Variants in WDFY2 observed in about 807,000 individuals in gnomAD.
WDFY2 encodes the protein WD repeat and FYVE domain-containing protein 2.
Under a neutral mutation model 56.4 loss-of-function variants are expected in WDFY2, and 36 were observed. The observed-to-expected ratio is 0.64, with a 90% CI of 0.49 to 0.84. The LOEUF (loss-of-function observed/expected upper bound fraction) is 0.84, where lower values mean the gene tolerates loss of function less well. WDFY2 is among the 40% of genes least tolerant of loss of function. The probability of loss-of-function intolerance (pLI) is 0.00; values close to 1 mark genes in which losing one functional copy is unlikely to be tolerated. For missense variants in WDFY2, 444 were observed against 512.2 expected (o/e 0.87, Z 1.29); for synonymous variants, 176 against 183.7 (o/e 0.96, Z 0.34).
At chr13:51,718,889 C>A (rs1298329304) in intron 4 of WDFY2, among the ~76,000 whole-genome samples, 1 of 152,142 alleles carries the variant, frequency 6.6e-6, no homozygotes, top group East Asian at 1.9e-4. Context: ...GGGAGGTGGC[C>A]CAGGCCCTTT....
At chr13:51,756,719 T>G in intron 10 of WDFY2, 2 of 872,780 alleles carry the variant, frequency 2.3e-6, no homozygotes, top group Middle Eastern at 5.8e-4. Context: ...TTAAATTAGC[T>G]GCTCCCAGAA....
chr13:51,718,266 T>C (rs988747239), intron 4 of WDFY2, among the ~76,000 whole-genome samples: 1 of 152,164 alleles, frequency 6.6e-6, no homozygotes, highest in Non-Finnish European at 1.5e-5. Flanking sequence ...TCTTTGTTCA[T>C]TCCAGTCAGC....
intron 1 of WDFY2, among the ~76,000 whole-genome samples, chr13:51,647,521 A>G (rs1221284358): frequency 6.6e-6 from 1 of 152,190 alleles, no homozygotes; most frequent in Non-Finnish European, 1.5e-5. Context: ...TTGGGAGGCC[A>G]AGGCAGGAGG....
intron 1 of WDFY2, among the ~76,000 whole-genome samples, chr13:51,643,714 TC>T (rs1313847250): frequency 6.6e-6 from 1 of 152,168 alleles, no homozygotes; most frequent in Non-Finnish European, 1.5e-5. Context: ...GCATTGCTGT[TC>T]CTGCTACTTC....
At chr13:51,605,944 C>A (rs528632489) in intron 1 of WDFY2, among the ~76,000 whole-genome samples, 1 of 152,174 alleles carries the variant, frequency 6.6e-6, no homozygotes, top group African/African-American at 2.4e-5. Context: ...TTTTCCTTCT[C>A]TTTCATTCTA....
At chr13:51,733,489 C>G (rs1952768421) in intron 6 of WDFY2, among the ~76,000 whole-genome samples, 1 of 152,210 alleles carries the variant, frequency 6.6e-6, no homozygotes, top group Non-Finnish European at 1.5e-5. Context: ...GAGCTTCAGG[C>G]ATTATTCTCA....
At chr13:51,756,031 C>T (rs922274589) in intron 9 of WDFY2, among the ~76,000 whole-genome samples, 2 of 151,422 alleles carry the variant, frequency 1.3e-5, no homozygotes, top group African/African-American at 4.9e-5. Flanking sequence ...TTTAAGATCA[C>T]CTGGCCCCTG....
At chr13:51,648,768 C>T (rs1955310284) in intron 1 of WDFY2, among the ~76,000 whole-genome samples, 1 of 152,156 alleles carries the variant, frequency 6.6e-6, no homozygotes, top group Non-Finnish European at 1.5e-5. Flanking sequence ...TTTAGGTCTA[C>T]AGAATAGGGC....
chr13:51,586,715 C>T (rs1953943806), intron 1 of WDFY2: 1 of 152,128 alleles, frequency 6.6e-6, no homozygotes, highest in Admixed American at 6.5e-5. Context: ...GAAAGAAATG[C>T]AATGTTCAGC....
chr13:51,765,317 T>C lies in WDFY2; in HGVS notation c.*5548T>C, dbSNP rs1281668281. On this transcript the variant is annotated 3_prime_UTR_variant, in exon 12 of 12. Transcript: ENST00000298125. ...ACCCTCCAGGGTTGTGGTTTGTATT[T>C]TTGCCTTTAAGCATTATCTCCTTTC... is the stretch of plus-strand genomic sequence containing the variant. The C allele has an allele frequency of 6.6e-6, 1 of 152,210 alleles. No individual in the cohort carries two copies. The highest frequency in any genetic ancestry group is 2.4e-5 in the African/African-American group (1 of 41,444). The allele number at this position is 152,210 out of a possible 1,614,324, so 9.4% of individuals were successfully genotyped here.
At chr13:51,635,105 A>ATT (rs543044734) in intron 1 of WDFY2, among the ~76,000 whole-genome samples, 2 of 148,114 alleles carry the variant, frequency 1.4e-5, no homozygotes, top group South Asian at 2.2e-4. Context: ...CGCCTGGCTA[A>ATT]TTTTTTTTTT....
chr13:51,736,966 C>A (rs1271645975), intron 6 of WDFY2, among the ~76,000 whole-genome samples: 1 of 152,150 alleles, frequency 6.6e-6, no homozygotes, highest in Non-Finnish European at 1.5e-5. Flanking sequence ...TCTAATCATT[C>A]TTTTTACCAG....
At chr13:51,751,439 T>A (rs181031742) in intron 8 of WDFY2, 24 bp downstream of exon 8, 3 of 1,607,918 alleles carry the variant, frequency 1.9e-6, no homozygotes, top group Non-Finnish European at 2.6e-6. Context: ...CAGGGTGGGG[T>A]GGGCCCTGTG....
intron 1 of WDFY2, among the ~76,000 whole-genome samples, chr13:51,603,797 G>A (rs932779911): frequency 6.6e-6 from 1 of 152,062 alleles, no homozygotes; most frequent in African/African-American, 2.4e-5. Flanking sequence ...CAAAATAATG[G>A]ATATGAAAAA....
intron 1 of WDFY2, among the ~76,000 whole-genome samples, chr13:51,659,901 CTT>C (rs1371291690): frequency 6.6e-6 from 1 of 152,198 alleles, no homozygotes; most frequent in Non-Finnish European, 1.5e-5. Context: ...CATTTGATCT[CTT>C]TGTAGTCCCT....
At chr13:51,685,312 G>A (rs1466782533) in intron 3 of WDFY2, among the ~76,000 whole-genome samples, 1 of 152,120 alleles carries the variant, frequency 6.6e-6, no homozygotes, top group African/African-American at 2.4e-5. Context: ...TTTGTATTAA[G>A]TAAGATGTAT....
At chr13:51,626,850 C>T (rs1954842879) in intron 1 of WDFY2, among the ~76,000 whole-genome samples, 1 of 152,204 alleles carries the variant, frequency 6.6e-6, no homozygotes, top group Admixed American at 6.5e-5. Flanking sequence ...CTGAGTAATG[C>T]TCATGCCTGC....
chr13:51,641,569 G>T (rs1305719340), intron 1 of WDFY2, among the ~76,000 whole-genome samples: 4 of 151,350 alleles, frequency 2.6e-5, no homozygotes, highest in Non-Finnish European at 4.4e-5. Flanking sequence ...GCTCACGCCT[G>T]TAATCCCAGC....
chr13:51,648,197 T>C (rs779133433), intron 1 of WDFY2, among the ~76,000 whole-genome samples: 13 of 152,146 alleles, frequency 8.5e-5, no homozygotes, highest in Non-Finnish European at 1.3e-4. Flanking sequence ...AGTATTTCTT[T>C]AGGAAATAAG....
Sources: allele counts gnomAD v4.1 joint callset (sites outside exome capture counted in the v4.1 genomes callset), GRCh38; gene constraint gnomAD v4.1.1; transcripts MANE v1.5; gene names NCBI Gene and HGNC (gene_info 2026-07-23, HGNC 2026-07-21).